Variants in LHFPL3 observed in about 807,000 individuals in gnomAD.
LHFPL3 encodes LHFPL tetraspan subfamily member 3 protein.
Under a neutral mutation model 19.3 loss-of-function variants are expected in LHFPL3, and 5 were observed. The ratio of observed to expected loss-of-function variants is 0.26; its 90% CI spans 0.14 to 0.54. LHFPL3 has a LOEUF of 0.54. Among genes scored for constraint, LHFPL3 ranks in the 20% least tolerant of loss-of-function variants. The pLI is 0.94. For synonymous variants in LHFPL3, 133 were observed against 126.2 expected (o/e 1.05, Z -0.36); for missense variants, 249 against 307.4 (o/e 0.81, Z 1.42).
At chr7:104,441,905 G>T (rs1472511493) in intron 1 of LHFPL3, among the ~76,000 whole-genome samples, 1 of 152,054 alleles carries the variant, frequency 6.6e-6, no homozygotes, top group Non-Finnish European at 1.5e-5. Context: ...CTGGATATCT[G>T]CCCAGAAGTG....
chr7:104,496,418 T>C (rs941298885), intron 1 of LHFPL3, among the ~76,000 whole-genome samples: 5 of 152,326 alleles, frequency 3.3e-5, no homozygotes, highest in African/African-American at 7.2e-5. Flanking sequence ...TGAATAGTGC[T>C]GCAATAAACA....
At chr7:104,658,741 G>C (rs1792165392) in intron 1 of LHFPL3, among the ~76,000 whole-genome samples, 1 of 152,198 alleles carries the variant, frequency 6.6e-6, no homozygotes, top group Admixed American at 6.5e-5. Context: ...AGTGAGCTGA[G>C]ATCACGCCAC....
At chr7:104,604,103 C>T (rs959417912) in intron 1 of LHFPL3, among the ~76,000 whole-genome samples, 2 of 152,216 alleles carry the variant, frequency 1.3e-5, no homozygotes, top group South Asian at 2.1e-4. Context: ...GCCTTGGCCC[C>T]CAGGCTTTCC....
chr7:104,871,389 A>G (rs1791834049), intron 2 of LHFPL3, among the ~76,000 whole-genome samples: 1 of 152,206 alleles, frequency 6.6e-6, no homozygotes, highest in Admixed American at 6.5e-5. Context: ...AGCTGGCAGG[A>G]CTGGAAGTCA....
intron 2 of LHFPL3, among the ~76,000 whole-genome samples, chr7:104,815,800 A>G (rs1790550624): frequency 6.6e-6 from 1 of 152,168 alleles, no homozygotes; most frequent in Admixed American, 6.5e-5. Context: ...CAGGCTGCAC[A>G]CATGGCTTAT....
chr7:104,613,927 A>G (rs999972929), intron 1 of LHFPL3, among the ~76,000 whole-genome samples: 5 of 152,144 alleles, frequency 3.3e-5, no homozygotes, highest in African/African-American at 1.2e-4. Context: ...TAGGTCATTT[A>G]TGTTTGCCAA....
At chr7:104,649,798 T>C (rs1292214385) in intron 1 of LHFPL3, among the ~76,000 whole-genome samples, 1 of 152,182 alleles carries the variant, frequency 6.6e-6, no homozygotes, top group African/African-American at 2.4e-5. Context: ...ACATGGGCTG[T>C]TCTGGAGAGG....
intron 1 of LHFPL3, among the ~76,000 whole-genome samples, chr7:104,585,598 A>G (rs796795001): frequency 9.2e-5 from 14 of 152,036 alleles, no homozygotes; most frequent in African/African-American, 3.4e-4. Context: ...ATATTGTTCT[A>G]CAGTATGTCA....
intron 1 of LHFPL3, among the ~76,000 whole-genome samples, chr7:104,567,262 G>T (rs1299227365): frequency 6.6e-6 from 1 of 152,120 alleles, no homozygotes; most frequent in African/African-American, 2.4e-5. Flanking sequence ...ATATTCAAAA[G>T]AACACATGTG....
chr7:104,561,416 G>C (rs894614849), intron 1 of LHFPL3, among the ~76,000 whole-genome samples: 10 of 150,410 alleles, frequency 6.6e-5, no homozygotes, highest in Admixed American at 5.9e-4. Flanking sequence ...TTGTTGAATT[G>C]ATCCCTTTAC....
chr7:104,441,063 AC>A (rs1396104657), intron 1 of LHFPL3, among the ~76,000 whole-genome samples: 1 of 152,066 alleles, frequency 6.6e-6, no homozygotes, highest in African/African-American at 2.4e-5. Flanking sequence ...CATGAGATCT[AC>A]CCTCTTAATA....
chr7:104,889,699 T>C (rs1792210397), intron 2 of LHFPL3, among the ~76,000 whole-genome samples: 1 of 152,142 alleles, frequency 6.6e-6, no homozygotes, highest in African/African-American at 2.4e-5. Flanking sequence ...GAATGGATAT[T>C]CTCCCATAAA....
chr7:104,544,742 A>G (rs180795298), intron 1 of LHFPL3, among the ~76,000 whole-genome samples: 1 of 152,298 alleles, frequency 6.6e-6, no homozygotes, highest in Non-Finnish European at 1.5e-5. Flanking sequence ...GTATTTTTAT[A>G]TGGTAAGTAG....
At chr7:104,902,966 A>G (rs1276191854) in intron 2 of LHFPL3, among the ~76,000 whole-genome samples, 1 of 152,052 alleles carries the variant, frequency 6.6e-6, no homozygotes, top group Admixed American at 6.6e-5. Context: ...GTTTTGTGAA[A>G]CTGGCCGCAA....
At chr7:104,376,187 A>G (rs1790710197) in intron 1 of LHFPL3, among the ~76,000 whole-genome samples, 1 of 152,216 alleles carries the variant, frequency 6.6e-6, no homozygotes, top group Non-Finnish European at 1.5e-5. Flanking sequence ...TCATCCATTC[A>G]TTAATTTACC....
intron 1 of LHFPL3, among the ~76,000 whole-genome samples, chr7:104,511,808 G>C (rs1793819036): frequency 6.6e-6 from 1 of 151,972 alleles, no homozygotes; most frequent in Non-Finnish European, 1.5e-5. Context: ...CCAAAAACCT[G>C]TTGAAATAAA....
At chr7:104,590,870 G>T (rs1348569948) in intron 1 of LHFPL3, among the ~76,000 whole-genome samples, 1 of 152,058 alleles carries the variant, frequency 6.6e-6, no homozygotes, top group Non-Finnish European at 1.5e-5. Context: ...TTATGTAATG[G>T]CCTTCTTTGT....
intron 1 of LHFPL3, among the ~76,000 whole-genome samples, chr7:104,658,872 T>C (rs763205926): frequency 2.0e-5 from 3 of 152,208 alleles, no homozygotes; most frequent in Non-Finnish European, 4.4e-5. Flanking sequence ...ATCTGAATTT[T>C]TGACGCATAC....
chr7:104,779,797 C>G (rs1794690833), intron 2 of LHFPL3, among the ~76,000 whole-genome samples: 1 of 152,212 alleles, frequency 6.6e-6, no homozygotes, highest in Non-Finnish European at 1.5e-5. Context: ...TCTGACTCGA[C>G]CATAATCCAT....
Sources: gnomAD v4.1 joint callset for allele counts (sites outside exome capture counted in the v4.1 genomes callset) on GRCh38, gnomAD v4.1.1 for gene constraint, MANE v1.5 for transcripts, NCBI Gene and HGNC (gene_info 2026-07-23, HGNC 2026-07-21) for gene names.